Variants in HECTD4 observed in about 807,000 individuals in gnomAD.
HECTD4 encodes HECT domain E3 ubiquitin protein ligase 4.
HECTD4 carries 114 observed loss-of-function variants against 471.5 expected under a neutral mutation model. The ratio of observed to expected loss-of-function variants is 0.24; its 90% CI spans 0.21 to 0.28. The LOEUF is 0.28. Among genes scored for constraint, HECTD4 ranks in the 10% least tolerant of loss-of-function variants. HECTD4 has a pLI of 1.00. For synonymous variants in HECTD4, 2,012 were observed against 2,256.0 expected, an observed-to-expected ratio of 0.89 and a Z score of 3.07; for missense variants, 3,866 against 5,651.5, an observed-to-expected ratio of 0.68 and a Z score of 10.13.
intron 1 of HECTD4, among the ~76,000 whole-genome samples, chr12:112,359,166 G>C (rs1053421819): frequency 4.6e-5 from 7 of 150,636 alleles, no homozygotes; most frequent in Non-Finnish European, 8.9e-5. Context: ...CTGGGCAACA[G>C]AGCAAGACTC....
intron 1 of HECTD4, among the ~76,000 whole-genome samples, chr12:112,366,352 AT>A (rs1292803777): frequency 5.7e-4 from 87 of 151,836 alleles, no homozygotes; most frequent in Non-Finnish European, 8.8e-5. Flanking sequence ...CTACAAAAAA[AT>A]TTTTTTTAAA....
At chr12:112,291,405 T>A (rs557203764) in intron 7 of HECTD4, among the ~76,000 whole-genome samples, 1 of 152,254 alleles carries the variant, frequency 6.6e-6, no homozygotes, top group South Asian at 2.1e-4. Flanking sequence ...TCATCTAATA[T>A]TGAGTCCATA....
intron 29 of HECTD4, among the ~76,000 whole-genome samples, chr12:112,244,222 T>G (rs1241504363): frequency 1.3e-5 from 2 of 152,212 alleles, no homozygotes; most frequent in Non-Finnish European, 2.9e-5. Context: ...AATTAAAATC[T>G]TTTTATTAAA....
chr12:112,216,001 C>T (rs145520167), intron 48 of HECTD4, among the ~76,000 whole-genome samples: 9 of 152,234 alleles, frequency 5.9e-5, no homozygotes, highest in Admixed American at 1.3e-4. Context: ...TATTTATCTG[C>T]TCATTAATGA....
rs1449269575 is a variant in HECTD4 at position 112,161,511 on chromosome 12, GCTC to G, written c.*873_*875del. The G allele has an allele frequency of 6.6e-6, 1 of 152,170 alleles. No homozygotes were observed. The highest frequency in any genetic ancestry group is 1.5e-5 in the Non-Finnish European group (1 of 68,082). 9.4% of individuals were successfully genotyped at this position (152,170 alleles called of 1,614,324 possible). A position where few individuals can be genotyped will look rare whatever the true frequency, so the allele number is the denominator to read the frequency against. ...GAAGGGCCATTTCTGAGCATTTTGT[GCTC>G]CTTTTTTGTGGGGTAGGCTTGAATC... On this transcript the variant is annotated 3_prime_UTR_variant, in exon 76 of 76. Coordinates refer to ENST00000682272, the MANE Select transcript of HECTD4 (RefSeq NM_001388303.1).
intron 55 of HECTD4, 119 bp from the exon 56 acceptor site, chr12:112,195,185 T>C: frequency 2.5e-6 from 2 of 804,024 alleles, no homozygotes; most frequent in Non-Finnish European, 1.9e-6. Flanking sequence ...TCCAGCCTGA[T>C]GTTCCAAACC....
intron 7 of HECTD4, among the ~76,000 whole-genome samples, chr12:112,291,869 C>T (rs1205098184): frequency 6.6e-6 from 1 of 152,024 alleles, no homozygotes; most frequent in Admixed American, 6.6e-5. Flanking sequence ...GAGTCTCCAT[C>T]TCAGAAAAAG....
intron 66 of HECTD4, among the ~76,000 whole-genome samples, chr12:112,175,357 G>A (rs2031398407): frequency 6.6e-6 from 1 of 152,228 alleles, no homozygotes; most frequent in African/African-American, 2.4e-5. Context: ...TGAGGACCTT[G>A]AGAAGGTGGC....
chr12:112,212,909 C>G (rs989101268), intron 48 of HECTD4, among the ~76,000 whole-genome samples: 1 of 152,182 alleles, frequency 6.6e-6, no homozygotes, highest in Non-Finnish European at 1.5e-5. Context: ...AATTTTCCTG[C>G]CTCAGCCTCC....
chr12:112,271,826 A>T (rs1185295475), intron 11 of HECTD4, among the ~76,000 whole-genome samples: 1 of 152,074 alleles, frequency 6.6e-6, no homozygotes, highest in Non-Finnish European at 1.5e-5. Context: ...CAATTTGCTT[A>T]ATCATAGTCA....
At chr12:112,269,162 C>T (rs1465365735) in intron 13 of HECTD4, among the ~76,000 whole-genome samples, 1 of 152,060 alleles carries the variant, frequency 6.6e-6, no homozygotes, top group African/African-American at 2.4e-5. Context: ...CGTGAGCCAC[C>T]GCGCCCGGCC....
chr12:112,172,663 C>T lies in HECTD4; in HGVS notation c.11785+8G>A. On this transcript the variant is annotated splice_region_variant and intron_variant, in intron 67 of 75. Coordinates refer to ENST00000682272, the MANE Select transcript of HECTD4 (RefSeq NM_001388303.1). ...AGCAGGGGAGGGGATAGGCCCAGGGCCACATACTCAGGAGACAGGCCACTC... is the reference window on the plus strand; with the variant it reads ...AGCAGGGGAGGGGATAGGCCCAGGGTCACATACTCAGGAGACAGGCCACTC... 1 of 1,613,506 alleles carries T rather than the reference C, an allele frequency of 6.2e-7. No homozygotes were observed. The highest frequency in any genetic ancestry group is 8.5e-7 in the Non-Finnish European group (1 of 1,179,644).
Position 112,179,101 on chromosome 12 carries a change from G to A in HECTD4, c.11212-19C>T, listed in dbSNP as rs746859795. On this transcript the variant is annotated intron_variant, in intron 63 of 75. Transcript: ENST00000682272. This position sits in a 1 kb window ranked among gnomAD's most constrained non-coding sequence, Gnocchi z 4.3. ...TCAGGATCTGTGGAGCACAGAGGCA[G>A]CGGGGAGGCTCTCAGGTTCGCCCTG... 6 of 1,613,896 alleles carry A rather than the reference G, an allele frequency of 3.7e-6. No individual in the cohort carries two copies. Among genetic ancestry groups the A allele is most frequent in the Non-Finnish European group, 5.1e-6 (6 of 1,179,864 alleles).
chr12:112,242,723 C>T (rs775656776), intron 32 of HECTD4, among the ~76,000 whole-genome samples: 1 of 151,838 alleles, frequency 6.6e-6, no homozygotes, highest in Non-Finnish European at 1.5e-5. Flanking sequence ...CCAGCCTGGC[C>T]AACATGGTGA....
At chr12:112,199,872 C>T (rs2032366187) in intron 55 of HECTD4, among the ~76,000 whole-genome samples, 1 of 152,176 alleles carries the variant, frequency 6.6e-6, no homozygotes, top group African/African-American at 2.4e-5. Flanking sequence ...CTCTTCCAAT[C>T]CGTGGAATGT....
intron 60 of HECTD4, among the ~76,000 whole-genome samples, chr12:112,187,136 C>T (rs927832389): frequency 7.2e-5 from 11 of 152,160 alleles, no homozygotes; most frequent in Non-Finnish European, 1.2e-4. Flanking sequence ...TGCACCACCA[C>T]ACCCGGCTAA....
At chr12:112,231,376 G>C (rs190841877) in intron 39 of HECTD4, 137 bp downstream of exon 39, 69 of 754,084 alleles carry the variant, frequency 9.2e-5, no homozygotes, top group Non-Finnish European at 5.0e-5. Context: ...TGTACCTTGA[G>C]TGCAACTACT....
Position 112,184,676 on chromosome 12 carries a change from G to A in HECTD4, c.10290C>T (p.Asp3430=). The change falls in exon 61 of 76, where the codon GAC becomes GAT. Residue 3430 remains aspartate (D), a synonymous_variant. Coordinates refer to ENST00000682272, the MANE Select transcript of HECTD4 (RefSeq NM_001388303.1). The surrounding 1 kb of genome is among the most constrained non-coding windows in gnomAD (Gnocchi z 9.1). The part of the protein sequence containing the change: ...ACNAHGGVFK[D]EIYIPLQEED... ...CTTCCTGCAGCGGGATGTAGATCTC[G>A]TCTTTGAAGACCCCGCCGTGGGCGT... 2 of 1,613,052 alleles carry A rather than the reference G, an allele frequency of 1.2e-6. No homozygotes were observed. Among genetic ancestry groups the A allele is most frequent in the South Asian group, 1.1e-5 (1 of 91,026 alleles).
intron 55 of HECTD4, among the ~76,000 whole-genome samples, chr12:112,198,712 G>C (rs965031943): frequency 6.6e-6 from 1 of 152,190 alleles, no homozygotes; most frequent in Non-Finnish European, 1.5e-5. Flanking sequence ...CACCTCACAC[G>C]AGAAACTTTA....
Sources: gnomAD v4.1 joint callset for allele counts (sites outside exome capture counted in the v4.1 genomes callset) on GRCh38, gnomAD v4.1.1 for gene constraint, Gnocchi (gnomAD v3.1) non-coding constraint, MANE v1.5 for transcripts, NCBI Gene and HGNC (gene_info 2026-07-23, HGNC 2026-07-21) for gene names.